The following PLPP7 variants were observed in gnomAD, a reference collection of about 807,000 sequenced individuals.
PLPP7 encodes inactive phospholipid phosphatase 7.
PLPP7 carries 11 observed loss-of-function variants against 16.9 expected under a neutral mutation model. The observed-to-expected ratio is 0.65, with a 90% confidence interval of 0.41 to 1.08. The LOEUF is 1.08. Ranked by LOEUF, PLPP7 falls within the 50% of genes least tolerant of loss-of-function variation. The probability of loss-of-function intolerance (pLI) is 0.00; values close to 1 mark genes in which losing one functional copy is unlikely to be tolerated. For missense variants in PLPP7, 358 were observed against 397.1 expected, an observed-to-expected ratio of 0.90 and a Z score of 0.84; for synonymous variants, 174 against 175.1, an observed-to-expected ratio of 0.99 and a Z score of 0.05.
chr9:131,292,235 G>A (rs1461983089), intron 1 of PLPP7, among the ~76,000 whole-genome samples: 1 of 152,186 alleles, frequency 6.6e-6, no homozygotes, highest in Non-Finnish European at 1.5e-5. Flanking sequence ...GATTTAGAGA[G>A]GTAGGTTGCC....
intron 1 of PLPP7, among the ~76,000 whole-genome samples, chr9:131,305,763 A>C (rs779059366): frequency 1.7e-4 from 26 of 152,084 alleles, no homozygotes; most frequent in Non-Finnish European, 2.4e-4. Context: ...CTGATAGCTG[A>C]AACTACAGGC....
At chr9:131,293,937 C>A (rs747668019) in intron 1 of PLPP7, among the ~76,000 whole-genome samples, 26 of 152,182 alleles carry the variant, frequency 1.7e-4, no homozygotes, top group Non-Finnish European at 3.4e-4. Flanking sequence ...GGGCTGGGAG[C>A]AAGACCTCCG....
intron 1 of PLPP7, among the ~76,000 whole-genome samples, chr9:131,296,875 C>G (rs544746537): frequency 6.6e-6 from 1 of 152,358 alleles, no homozygotes; most frequent in African/African-American, 2.4e-5. Flanking sequence ...CCCTCTGGCT[C>G]TTGCTCTCAG....
chr9:131,290,761 C>G lies in PLPP7; in HGVS notation c.451+313C>G, dbSNP rs572932509. ...GCTTGAAGGGAGGCTGGGCCAGAGG[C>G]GGTGGCCTCAAGGGAGACGGTCAGG... On this transcript the variant is annotated intron_variant, in intron 1 of 1. Coordinates refer to ENST00000372264, the MANE Select transcript of PLPP7 (RefSeq NM_032728.4). The surrounding 1 kb of genome is among the most constrained non-coding windows in gnomAD (Gnocchi z 4.2). 3.9e-5 allele frequency among the ~76,000 whole-genome samples: 6 copies of G among 152,286 alleles called. No homozygotes were observed. The South Asian group carries it at 1.2e-3, about 32-fold the overall frequency.
At chr9:131,293,133 C>A in intron 1 of PLPP7, 1 of 244,542 alleles carries the variant, frequency 4.1e-6, no homozygotes, top group Non-Finnish European at 6.5e-6. Context: ...TCAGAAAGCT[C>A]AAGCAACTTG....
intron 1 of PLPP7, among the ~76,000 whole-genome samples, chr9:131,304,437 C>G (rs1835831440): frequency 6.6e-6 from 1 of 152,200 alleles, no homozygotes; most frequent in Admixed American, 6.5e-5. Flanking sequence ...GAGTTCGAGA[C>G]CAGCCTGGCC....
chr9:131,308,062 C>T lies in PLPP7; in HGVS notation c.591C>T (p.Ala197=), dbSNP rs374254465. ...TCCCGGCCGGGCACGCCAGCCGCGC[C>T]GCCATGGTGTCCAAGTTCTTCCTCA... The part of the protein sequence containing the change: ...YAFPAGHASR[A]AMVSKFFLSH... The change falls in exon 2 of 2, where the codon GCC becomes GCT. Residue 197 remains alanine (A), a synonymous_variant. Coordinates refer to ENST00000372264, the MANE Select transcript of PLPP7 (RefSeq NM_032728.4). 27 of 1,601,214 alleles carry T rather than the reference C, an allele frequency of 1.7e-5. No homozygotes were observed. The highest frequency in any genetic ancestry group is 2.7e-5 in the African/African-American group (2 of 74,934).
At chr9:131,297,906 C>T (rs1013902991) in intron 1 of PLPP7, among the ~76,000 whole-genome samples, 1 of 152,146 alleles carries the variant, frequency 6.6e-6, no homozygotes, top group Non-Finnish European at 1.5e-5. Context: ...TGGCATCCTA[C>T]TGGAAATCCT....
At chr9:131,306,459 G>C (rs563171923) in intron 1 of PLPP7, among the ~76,000 whole-genome samples, 9 of 100,144 alleles carry the variant, frequency 9.0e-5, no homozygotes, top group Non-Finnish European at 2.1e-4. Flanking sequence ...CGAAAATCAC[G>C]TGAACCCGGG....
chr9:131,305,142 C>T (rs1835839736), intron 1 of PLPP7, among the ~76,000 whole-genome samples: 1 of 152,198 alleles, frequency 6.6e-6, no homozygotes, highest in Non-Finnish European at 1.5e-5. Flanking sequence ...TAGGGATCTA[C>T]CAAAAGAACT....
intron 1 of PLPP7, among the ~76,000 whole-genome samples, chr9:131,299,126 A>G (rs1216679140): frequency 6.6e-6 from 1 of 152,146 alleles, no homozygotes; most frequent in African/African-American, 2.4e-5. Flanking sequence ...GGGGATAGAC[A>G]CACCGAGGTT....
rs554896252 is a variant in PLPP7, at chr9:131,306,002, C to T, written c.452-1921C>T. 1.0e-3 allele frequency among the ~76,000 whole-genome samples: 154 copies of T among 152,190 alleles called. 1 individual carries two copies. Among genetic ancestry groups the T allele is most frequent in the South Asian group, 4.8e-3 (23 of 4,828 alleles). ...CCTGTAATCCCAGCACTTTGGGAGG[C>T]CAAGACGGGCGGATCGCGAGGTCAG... On this transcript the variant is annotated intron_variant, in intron 1 of 1. Coordinates refer to ENST00000372264, the MANE Select transcript of PLPP7 (RefSeq NM_032728.4).
At chr9:131,292,701 G>C (rs1835693990) in intron 1 of PLPP7, 1 of 655,104 alleles carries the variant, frequency 1.5e-6, no homozygotes, top group African/African-American at 2.0e-5. Context: ...CTCTAGTAAG[G>C]GGGTGAGCTC....
chr9:131,291,310 G>C, intron 1 of PLPP7: 1 of 1,217,034 alleles, frequency 8.2e-7, no homozygotes, highest in South Asian at 1.4e-5. Context: ...CATCATTTGA[G>C]GGACATGTGA....
chr9:131,290,455 G>A lies in PLPP7; in HGVS notation c.451+7G>A, dbSNP rs1835658848. On this transcript the variant is annotated splice_region_variant and intron_variant, in intron 1 of 1. Transcript: ENST00000372264. This position sits in a 1 kb window ranked among gnomAD's most constrained non-coding sequence, Gnocchi z 4.2. ...CTCATGAATCTGCTCCTGGGTGAGT[G>A]TGCCTGCCGCCCGCCACTCACTGTC... The A allele has an allele frequency of 6.7e-7, 1 of 1,490,098 alleles. No individual in the cohort carries two copies. Among genetic ancestry groups the A allele is most frequent in the African/African-American group, 1.4e-5 (1 of 71,820 alleles). 92.3% of individuals were successfully genotyped at this position (1,490,098 alleles called of 1,614,324 possible). A position where few individuals can be genotyped will look rare whatever the true frequency, so the allele number is the denominator to read the frequency against.
Position 131,295,909 on chromosome 9 carries a change from G to A in PLPP7, c.451+5461G>A, listed in dbSNP as rs1835731051. ...TTCGTGTATCCATTCGTGCACCCAT[G>A]GACACTTCGGTTGCTTCCACATTTT... On this transcript the variant is annotated intron_variant, in intron 1 of 1. Transcript: ENST00000372264. This position sits in a 1 kb window ranked among gnomAD's most constrained non-coding sequence, Gnocchi z 4.0. 6.6e-6 allele frequency among the ~76,000 whole-genome samples: 1 copy of A among 152,180 alleles called. No homozygotes were observed. Among genetic ancestry groups the A allele is most frequent in the Non-Finnish European group, 1.5e-5 (1 of 68,044 alleles).
At chr9:131,299,774 G>A (rs540045075) in intron 1 of PLPP7, among the ~76,000 whole-genome samples, 64 of 152,322 alleles carry the variant, frequency 4.2e-4, no homozygotes, top group Non-Finnish European at 8.1e-4. Context: ...TGCCAGCCTC[G>A]TTCACAGTGC....
At chr9:131,296,595 C>G (rs771257750) in intron 1 of PLPP7, among the ~76,000 whole-genome samples, 15 of 152,184 alleles carry the variant, frequency 9.9e-5, no homozygotes, top group Middle Eastern at 3.2e-3. Context: ...GATTACAAGG[C>G]TAGATCAAGA....
In PLPP7 at chr9:131,300,176, C is replaced by T. The variant is rs376762326; in HGVS notation, c.452-7747C>T. Among the ~76,000 whole-genome samples the T allele has an allele frequency of 6.4e-4, 97 of 152,362 alleles. 1 individual carries two copies. Among genetic ancestry groups the T allele is most frequent in the Middle Eastern group, 6.8e-3 (2 of 294 alleles). On this transcript the variant is annotated intron_variant, in intron 1 of 1. Coordinates refer to ENST00000372264, the MANE Select transcript of PLPP7 (RefSeq NM_032728.4). ...TTGCTCCCTGTTGCCTTCTGCATCA[C>T]GTGCAAGGGAGCACATGCCTGGGAG...
Sources: gnomAD v4.1 joint callset for allele counts (sites outside exome capture counted in the v4.1 genomes callset) on GRCh38, gnomAD v4.1.1 for gene constraint, Gnocchi (gnomAD v3.1) non-coding constraint, MANE v1.5 for transcripts, NCBI Gene and HGNC (gene_info 2026-07-23, HGNC 2026-07-21) for gene names.